The following LCORL variants were observed in gnomAD, a reference collection of about 807,000 sequenced individuals.
The protein encoded by LCORL is ligand dependent nuclear receptor corepressor like.
LCORL carries 41 observed loss-of-function variants against 141.8 expected under a neutral mutation model. The ratio of observed to expected loss-of-function variants is 0.29; its 90% CI spans 0.23 to 0.38. The LOEUF (loss-of-function observed/expected upper bound fraction) is 0.38, where lower values mean the gene tolerates loss of function less well. LCORL is among the 10% of genes least tolerant of loss of function. The probability of loss-of-function intolerance (pLI) is 1.00; values close to 1 mark genes in which losing one functional copy is unlikely to be tolerated. For missense variants in LCORL, 1,759 were observed against 2,035.0 expected (o/e 0.86, Z 2.61); for synonymous variants, 618 against 694.1 (o/e 0.89, Z 1.72).
chr4:17,996,590 A>G (rs928812355), intron 1 of LCORL, among the ~76,000 whole-genome samples: 1 of 152,140 alleles, frequency 6.6e-6, no homozygotes, highest in Non-Finnish European at 1.5e-5. Context: ...GGGAATTTCA[A>G]TTTCATCTGT....
exon 7 of LCORL, chr4:17,876,328 T>A: frequency 1.6e-6 from 2 of 1,231,074 alleles, no homozygotes; most frequent in South Asian, 8.2e-5. Context: ...TCTTTGCATG[T>A]CATTCTATTT....
chr4:18,002,034 T>A lies in LCORL; in HGVS notation c.154+19564A>T, dbSNP rs538678673. The stretch of plus-strand genomic sequence containing the variant: ...GGCATAATTTGGTGTGGATCTTTAA[T>A]AAACACCCAAGACATAAGTACCAAA... On this transcript the variant is annotated intron_variant, in intron 1 of 7. Coordinates refer to ENST00000635767, the Ensembl canonical transcript of LCORL. Among the ~76,000 whole-genome samples, 35 of 152,102 alleles carry A rather than the reference T, an allele frequency of 2.3e-4. 2 individuals carry two copies. The South Asian group carries it at 6.6e-3, about 29-fold the overall frequency.
At chr4:17,935,800 A>G (rs1736757258) in intron 4 of LCORL, among the ~76,000 whole-genome samples, 1 of 152,224 alleles carries the variant, frequency 6.6e-6, no homozygotes, top group Non-Finnish European at 1.5e-5. Context: ...ATGGCAATGC[A>G]AACAGACTGA....
At chr4:18,010,366 G>C (rs1483223569) in intron 1 of LCORL, among the ~76,000 whole-genome samples, 2 of 151,732 alleles carry the variant, frequency 1.3e-5, no homozygotes, top group Non-Finnish European at 2.9e-5. Flanking sequence ...ACATAAATGT[G>C]TGTATGGGTA....
At chr4:17,945,767 G>A (rs1738776572) in intron 4 of LCORL, among the ~76,000 whole-genome samples, 1 of 151,558 alleles carries the variant, frequency 6.6e-6, no homozygotes, top group Admixed American at 6.6e-5. Flanking sequence ...TATATATAGT[G>A]GCTATGAAAA....
chr4:17,879,447 A>C (rs928772228), intron 6 of LCORL, among the ~76,000 whole-genome samples: 2 of 151,120 alleles, frequency 1.3e-5, no homozygotes, highest in Admixed American at 6.6e-5. Context: ...TAAAGAAGCT[A>C]TCAAACAAAG....
chr4:17,977,387 C>T (rs1228295058), intron 1 of LCORL, among the ~76,000 whole-genome samples: 1 of 152,150 alleles, frequency 6.6e-6, no homozygotes, highest in African/African-American at 2.4e-5. Context: ...GTTACCATGG[C>T]TGATTCACAT....
intron 5 of LCORL, among the ~76,000 whole-genome samples, chr4:17,890,688 T>C (rs552016821): frequency 6.6e-6 from 1 of 152,240 alleles, no homozygotes; most frequent in Non-Finnish European, 1.5e-5. Context: ...GAATTAAAGA[T>C]AAGCCAATCT....
At chr4:17,908,996 T>A (rs1026556310) in intron 5 of LCORL, 98 bp downstream of exon 5, 1 of 1,120,698 alleles carries the variant, frequency 8.9e-7, no homozygotes, top group Non-Finnish European at 1.2e-6. Flanking sequence ...TCATATTACA[T>A]CCAAAATAAA....
In LCORL at chr4:17,971,248, C is replaced by G. The variant is rs867022087; in HGVS notation, c.220+1572G>C. 2.0e-4 allele frequency among the ~76,000 whole-genome samples: 31 copies of G among 152,050 alleles called. No individual in the cohort carries two copies. In the Middle Eastern group the frequency reaches 0.014, roughly 67 times the overall value. On this transcript the variant is annotated intron_variant, in intron 2 of 7. Transcript: ENST00000635767. ...CATTTTGGTGTCTTTTCTTTCTAGT[C>G]TAAAATATACACACTTTTCTCGTTT...
chr4:17,925,878 C>CAAAAAA (rs71167343), intron 4 of LCORL, among the ~76,000 whole-genome samples: 3 of 96,608 alleles, frequency 3.1e-5, no homozygotes, highest in East Asian at 8.3e-4. Flanking sequence ...GATTCCATCT[C>CAAAAAA]AAAAAAAAAA....
intron 3 of LCORL, among the ~76,000 whole-genome samples, chr4:17,962,315 C>T (rs1713979262): frequency 6.6e-6 from 1 of 150,942 alleles, no homozygotes; most frequent in Non-Finnish European, 1.5e-5. Flanking sequence ...TATTGGCATG[C>T]CAGTAATGCA....
At chr4:17,939,980 T>G (rs1223693363) in intron 4 of LCORL, among the ~76,000 whole-genome samples, 5 of 150,314 alleles carry the variant, frequency 3.3e-5, no homozygotes, top group African/African-American at 1.2e-4. Flanking sequence ...ACTATATGCA[T>G]GTACTATATA....
In LCORL at chr4:18,021,546, G is replaced by T; in HGVS notation, c.154+52C>A. 6.8e-7 allele frequency: 1 copy of T among 1,473,346 alleles called. No homozygotes were observed. The highest frequency in any genetic ancestry group is 9.1e-7 in the Non-Finnish European group (1 of 1,100,224). 91.3% of individuals were successfully genotyped at this position (1,473,346 alleles called of 1,614,324 possible). On this transcript the variant is annotated intron_variant, in intron 1 of 7. Coordinates refer to ENST00000635767, the Ensembl canonical transcript of LCORL. This position sits in a 1 kb window ranked among gnomAD's most constrained non-coding sequence, Gnocchi z 5.5. ...CCCTCAGCCACAAACTCCTCGGGCT[G>T]CGACAGCGGTCGCCGCGCGGAGCCC...
At chr4:17,906,642 T>G (rs1731664890) in intron 5 of LCORL, among the ~76,000 whole-genome samples, 1 of 152,066 alleles carries the variant, frequency 6.6e-6, no homozygotes, top group African/African-American at 2.4e-5. Context: ...CCACTTAACT[T>G]CATAGAATCA....
rs759034834 is a variant in LCORL, at chr4:17,884,222, A to G, written c.776+1846T>C. 7.1e-6 allele frequency: 11 copies of G among 1,549,956 alleles called. No homozygotes were observed. The African/African-American group carries it at 8.2e-5, about 12-fold the overall frequency. Reference sequence around the variant, plus strand: ...TGAAGAGGTTTTGGAAACTTGATACATAACATCCAACAGACCAGAACCATC... The same window carrying G: ...TGAAGAGGTTTTGGAAACTTGATACGTAACATCCAACAGACCAGAACCATC... On this transcript the variant is annotated intron_variant, in intron 6 of 7. Transcript: ENST00000635767. The surrounding 1 kb of genome is among the most constrained non-coding windows in gnomAD (Gnocchi z 4.4).
intron 2 of LCORL, among the ~76,000 whole-genome samples, chr4:17,969,291 A>G (rs562340063): frequency 3.3e-5 from 5 of 152,340 alleles, no homozygotes; most frequent in African/African-American, 7.2e-5. Context: ...TGCTTTCTTC[A>G]TAAGGACAGT....
chr4:17,990,911 C>T (rs1368877664), intron 1 of LCORL, among the ~76,000 whole-genome samples: 3 of 152,032 alleles, frequency 2.0e-5, no homozygotes, highest in Non-Finnish European at 4.4e-5. Flanking sequence ...AAATAAAAGG[C>T]ATTTTGTATG....
At chr4:17,842,478 T>TAA (rs1560236529) in exon 8 of LCORL, 1 of 925,432 alleles carries the variant, frequency 1.1e-6, no homozygotes, top group Non-Finnish European at 1.7e-6. Flanking sequence ...AGAGAATATA[T>TAA]AACAAGATAG....
Sources: gnomAD v4.1 joint callset for allele counts (sites outside exome capture counted in the v4.1 genomes callset) on GRCh38, gnomAD v4.1.1 for gene constraint, Gnocchi (gnomAD v3.1) non-coding constraint, MANE v1.5 for transcripts, NCBI Gene and HGNC (gene_info 2026-07-23, HGNC 2026-07-21) for gene names.